The following SCFD2 variants were observed in gnomAD, a reference collection of about 807,000 sequenced individuals.
SCFD2 encodes sec1 family domain-containing protein 2.
In SCFD2, 54 loss-of-function variants were observed where a neutral mutation model predicts 58.9. The ratio of observed to expected loss-of-function variants is 0.92; its 90% CI spans 0.74 to 1.15. SCFD2 has a LOEUF of 1.15. Among genes scored for constraint, SCFD2 ranks in the 50% most tolerant of loss-of-function variants. SCFD2 has a pLI of 0.00. For missense variants in SCFD2, 805 were observed against 836.6 expected, an observed-to-expected ratio of 0.96 and a Z score of 0.47; for synonymous variants, 321 against 335.9, an observed-to-expected ratio of 0.96 and a Z score of 0.49.
At chr4:53,010,883 A>G (rs1396610868) in intron 5 of SCFD2, among the ~76,000 whole-genome samples, 3 of 152,136 alleles carry the variant, frequency 2.0e-5, no homozygotes, top group African/African-American at 7.2e-5. Flanking sequence ...TTATGTCCTT[A>G]GAATGGTGAC....
intron 4 of SCFD2, among the ~76,000 whole-genome samples, chr4:53,187,293 C>G (rs1727766717): frequency 6.6e-6 from 1 of 152,026 alleles, no homozygotes; most frequent in Admixed American, 6.6e-5. Context: ...AAGCAATGGA[C>G]AGCATAGAGA....
intron 4 of SCFD2, among the ~76,000 whole-genome samples, chr4:53,220,282 G>C (rs1425818940): frequency 1.3e-5 from 2 of 152,124 alleles, no homozygotes; most frequent in Admixed American, 1.3e-4. Context: ...TAGAAAACCT[G>C]ATCAGTTTAT....
intron 5 of SCFD2, among the ~76,000 whole-genome samples, chr4:53,116,266 C>G (rs1049122034): frequency 4.6e-5 from 7 of 152,170 alleles, no homozygotes; most frequent in African/African-American, 1.7e-4. Context: ...TTCTCTCTCA[C>G]ATTAAATGTT....
chr4:53,194,402 C>A (rs1728000308), intron 4 of SCFD2, among the ~76,000 whole-genome samples: 1 of 152,092 alleles, frequency 6.6e-6, no homozygotes, highest in South Asian at 2.1e-4. Context: ...CTTTTTAGAA[C>A]CTATAATTAT....
chr4:52,902,485 C>T (rs1195617694), intron 7 of SCFD2, among the ~76,000 whole-genome samples: 1 of 152,204 alleles, frequency 6.6e-6, no homozygotes, highest in African/African-American at 2.4e-5. Context: ...CTATTCTCTT[C>T]TATTTAATTC....
At chr4:53,015,887 T>C (rs1016480126) in intron 5 of SCFD2, among the ~76,000 whole-genome samples, 2 of 152,144 alleles carry the variant, frequency 1.3e-5, no homozygotes, top group African/African-American at 2.4e-5. Context: ...AAGAACAAAA[T>C]GCATTTATCT....
intron 5 of SCFD2, among the ~76,000 whole-genome samples, chr4:53,093,375 G>T (rs1724528088): frequency 6.6e-6 from 1 of 152,168 alleles, no homozygotes; most frequent in Non-Finnish European, 1.5e-5. Context: ...CAGTATTGAT[G>T]TGAGAGTAAA....
At chr4:53,224,286 G>A (rs1394759574) in intron 4 of SCFD2, among the ~76,000 whole-genome samples, 2 of 151,874 alleles carry the variant, frequency 1.3e-5, no homozygotes, top group Non-Finnish European at 1.5e-5. Flanking sequence ...CTACTCAGGA[G>A]GCTAAGGTAG....
At chr4:52,891,763 C>T (rs1718883201) in intron 7 of SCFD2, among the ~76,000 whole-genome samples, 1 of 152,260 alleles carries the variant, frequency 6.6e-6, no homozygotes, top group South Asian at 2.1e-4. Context: ...AAAAGGTTTC[C>T]ATGCTGCTAG....
At chr4:53,073,305 T>C (rs536758964) in intron 5 of SCFD2, among the ~76,000 whole-genome samples, 11 of 152,236 alleles carry the variant, frequency 7.2e-5, no homozygotes, top group African/African-American at 2.6e-4. Flanking sequence ...TTGGTATCCA[T>C]AGAAGGTCCT....
At chr4:53,168,967 T>A (rs1353129248) in intron 4 of SCFD2, among the ~76,000 whole-genome samples, 1 of 152,256 alleles carries the variant, frequency 6.6e-6, no homozygotes, top group Non-Finnish European at 1.5e-5. Context: ...TTATTTTAGA[T>A]TCCACATATA....
chr4:53,026,950 A>G (rs1247939734), intron 5 of SCFD2, among the ~76,000 whole-genome samples: 1 of 152,230 alleles, frequency 6.6e-6, no homozygotes, highest in East Asian at 1.9e-4. Flanking sequence ...TGGCCAAATG[A>G]TATGTGTACA....
At chr4:53,114,491 C>T (rs1051453958) in intron 5 of SCFD2, among the ~76,000 whole-genome samples, 26 of 152,076 alleles carry the variant, frequency 1.7e-4, no homozygotes, top group Admixed American at 6.6e-4. Flanking sequence ...TTCCTCCCAG[C>T]CTGTACTCAA....
intron 4 of SCFD2, among the ~76,000 whole-genome samples, chr4:53,159,472 G>A (rs1339700581): frequency 6.6e-6 from 1 of 152,140 alleles, no homozygotes; most frequent in Non-Finnish European, 1.5e-5. Flanking sequence ...GGACAAGGAT[G>A]ATTATGACAA....
At chr4:52,896,429 A>G (rs949724063) in intron 7 of SCFD2, among the ~76,000 whole-genome samples, 14 of 152,186 alleles carry the variant, frequency 9.2e-5, no homozygotes, top group African/African-American at 2.9e-4. Flanking sequence ...TCCTTTCCCC[A>G]TTGCTTGTTT....
At chr4:52,925,377 A>T (rs1719840978) in intron 5 of SCFD2, among the ~76,000 whole-genome samples, 1 of 150,078 alleles carries the variant, frequency 6.7e-6, no homozygotes, top group African/African-American at 2.5e-5. Context: ...TATATACATG[A>T]TCAACAAAAC....
chr4:53,308,319 T>C (rs1732578655), intron 3 of SCFD2, among the ~76,000 whole-genome samples: 1 of 152,144 alleles, frequency 6.6e-6, no homozygotes, highest in South Asian at 2.1e-4. Flanking sequence ...TGTGTGTGAG[T>C]CAATAATCAG....
rs189925320 is a variant in SCFD2, at chr4:53,219,763, C to T, written c.1311+54063G>A. Among the ~76,000 whole-genome samples the T allele has an allele frequency of 9.8e-3, 1,496 of 152,254 alleles. 14 individuals carry two copies. The highest frequency in any genetic ancestry group is 0.048 in the Middle Eastern group (14 of 294). On this transcript the variant is annotated intron_variant, in intron 4 of 8. Coordinates refer to ENST00000401642, the MANE Select transcript of SCFD2 (RefSeq NM_152540.4). ...GCTGTAGACTGGAGCTGTTCCTATT[C>T]GGCCCTCTTGGAACCGCCCCCGCAA...
At chr4:53,112,619 C>T (rs1350050594) in intron 5 of SCFD2, among the ~76,000 whole-genome samples, 2 of 152,118 alleles carry the variant, frequency 1.3e-5, no homozygotes, top group Non-Finnish European at 2.9e-5. Context: ...GTTAAGAGCA[C>T]AGGTTTTAGA....
Sources: gnomAD v4.1 joint callset for allele counts (sites outside exome capture counted in the v4.1 genomes callset) on GRCh38, gnomAD v4.1.1 for gene constraint, MANE v1.5 for transcripts, NCBI Gene and HGNC (gene_info 2026-07-23, HGNC 2026-07-21) for gene names.